Variants in RAD51B observed in about 807,000 individuals in gnomAD.
The protein encoded by RAD51B is DNA repair protein RAD51 homolog 2.
A neutral mutation model predicts 42.2 loss-of-function variants in RAD51B; 38 were observed. The ratio of observed to expected loss-of-function variants is 0.90; its 90% CI spans 0.70 to 1.18. The LOEUF (loss-of-function observed/expected upper bound fraction) is 1.18. Ranked by LOEUF, RAD51B falls within the 50% of genes most tolerant of loss-of-function variation. The pLI, the probability that RAD51B is intolerant of heterozygous loss-of-function variation, is 0.00. For synonymous variants in RAD51B, 154 were observed against 145.2 expected, an observed-to-expected ratio of 1.06 and a Z score of -0.43; for missense variants, 373 against 400.7, an observed-to-expected ratio of 0.93 and a Z score of 0.59.
intron 7 of RAD51B, among the ~76,000 whole-genome samples, chr14:67,905,161 A>G (rs1031585515): frequency 2.0e-5 from 3 of 152,062 alleles, no homozygotes; most frequent in East Asian, 1.9e-4. Flanking sequence ...CATTTATTTA[A>G]TAGAGAATTC....
At chr14:68,126,234 T>A (rs1011202573) in intron 7 of RAD51B, among the ~76,000 whole-genome samples, 1 of 152,224 alleles carries the variant, frequency 6.6e-6, no homozygotes, top group Admixed American at 6.5e-5. Context: ...TTCGTATTCA[T>A]AATAGCACTT....
chr14:68,573,756 G>T (rs893650655), intron 10 of RAD51B, among the ~76,000 whole-genome samples: 1 of 152,180 alleles, frequency 6.6e-6, no homozygotes, highest in Non-Finnish European at 1.5e-5. Flanking sequence ...GGTTCTGGGA[G>T]GCTCCAGACC....
intron 8 of RAD51B, among the ~76,000 whole-genome samples, chr14:68,348,592 A>C (rs896299552): frequency 2.0e-5 from 3 of 152,196 alleles, no homozygotes; most frequent in Admixed American, 6.5e-5. Flanking sequence ...AAAAGAAGCA[A>C]TTGAAGATTA....
At chr14:68,105,467 G>A (rs1036391025) in intron 7 of RAD51B, among the ~76,000 whole-genome samples, 1 of 151,912 alleles carries the variant, frequency 6.6e-6, no homozygotes, top group Non-Finnish European at 1.5e-5. Flanking sequence ...TAAGAAACTC[G>A]TTTCTTTTGG....
intron 4 of RAD51B, among the ~76,000 whole-genome samples, chr14:67,844,506 A>T (rs1343458774): frequency 6.6e-6 from 1 of 151,650 alleles, no homozygotes; most frequent in African/African-American, 2.4e-5. Flanking sequence ...AACTTGCTTT[A>T]TGAACCTGGG....
intron 10 of RAD51B, among the ~76,000 whole-genome samples, chr14:68,508,578 G>A (rs1885503662): frequency 6.6e-6 from 1 of 152,144 alleles, no homozygotes; most frequent in Non-Finnish European, 1.5e-5. Flanking sequence ...CCAGACCACT[G>A]AGATTGCAGC....
chr14:67,971,452 C>T lies in RAD51B; in HGVS notation c.756+84248C>T, dbSNP rs149183045. Among the ~76,000 whole-genome samples the T allele has an allele frequency of 2.0e-5, 3 of 152,148 alleles. No individual in the cohort carries two copies. The East Asian group carries it at 5.8e-4, about 29-fold the overall frequency. On this transcript the variant is annotated intron_variant, in intron 7 of 10. Coordinates refer to ENST00000471583, the MANE Select transcript of RAD51B (RefSeq NM_133510.4). ...CAAGAAGAGAAATTAGAGAGGATAC[C>T]ATTGACTTGCTTTGTATCTGTTGTT...
chr14:68,673,626 G>A (rs1179364747), intron 11 of RAD51B, among the ~76,000 whole-genome samples: 2 of 145,504 alleles, frequency 1.4e-5, no homozygotes, highest in Non-Finnish European at 3.0e-5. Flanking sequence ...TACACATACT[G>A]TGCACACACA....
At chr14:68,599,686 C>A (rs143441252), downstream of RAD51B, among the ~76,000 whole-genome samples, 191 of 152,314 alleles carry the variant, frequency 1.3e-3, no homozygotes, top group Middle Eastern at 0.014. Context: ...ATCAGGAAAT[C>A]GGTCTGGACC....
intron 10 of RAD51B, chr14:68,562,297 C>G (rs565936696): frequency 1.0e-6 from 1 of 985,416 alleles, no homozygotes; most frequent in Non-Finnish European, 1.2e-6. Context: ...CACTTTTGAA[C>G]GCCAAACCTC....
At chr14:68,197,067 AT>A (rs962870777) in intron 7 of RAD51B, among the ~76,000 whole-genome samples, 6 of 152,092 alleles carry the variant, frequency 3.9e-5, no homozygotes, top group Non-Finnish European at 7.4e-5. Flanking sequence ...AAATGCAATG[AT>A]TTTTTTTAAA....
intron 7 of RAD51B, among the ~76,000 whole-genome samples, chr14:67,969,381 C>T (rs577352414): frequency 2.6e-5 from 4 of 152,286 alleles, no homozygotes; most frequent in African/African-American, 2.4e-5. Flanking sequence ...CTTTCTTTCT[C>T]CTTAACCCAC....
intron 7 of RAD51B, among the ~76,000 whole-genome samples, chr14:68,210,941 T>C: frequency 6.6e-6 from 1 of 152,238 alleles, no homozygotes; most frequent in East Asian, 1.9e-4. Context: ...CTATTTAAAA[T>C]GTTCATTTCA....
chr14:68,594,646 CTCA>C, exon 11 of RAD51B: 2 of 1,278,550 alleles, frequency 1.6e-6, no homozygotes, highest in Non-Finnish European at 2.1e-6. Context: ...CCAAGCTGAT[CTCA>C]AACTCCTGGC....
chr14:68,278,934 A>ATT (rs34941378), intron 7 of RAD51B, among the ~76,000 whole-genome samples: 2 of 148,454 alleles, frequency 1.3e-5, no homozygotes, highest in Non-Finnish European at 3.0e-5. Context: ...TGAAATGCAG[A>ATT]TTTTTTTTTT....
chr14:68,665,361 T>C (rs1173849423), intron 11 of RAD51B, among the ~76,000 whole-genome samples: 1 of 152,258 alleles, frequency 6.6e-6, no homozygotes, highest in Non-Finnish European at 1.5e-5. Flanking sequence ...AAGACAAGGA[T>C]CGAGCTTCAT....
intron 10 of RAD51B, chr14:68,628,461 C>G (rs1362488992): frequency 1.3e-5 from 2 of 152,340 alleles, no homozygotes; most frequent in Non-Finnish European, 2.9e-5. Flanking sequence ...TCCCGGGCCG[C>G]CCTGCTGCAC....
At chr14:68,038,057 C>A (rs189189517) in intron 7 of RAD51B, among the ~76,000 whole-genome samples, 34 of 152,304 alleles carry the variant, frequency 2.2e-4, no homozygotes, top group African/African-American at 7.9e-4. Flanking sequence ...CAATGCAGAC[C>A]AGACCAGTGT....
At chr14:68,271,168 G>A (rs1263961071) in intron 7 of RAD51B, among the ~76,000 whole-genome samples, 1 of 152,108 alleles carries the variant, frequency 6.6e-6, no homozygotes, top group African/African-American at 2.4e-5. Context: ...CATTTATTAC[G>A]TTTATTGTCT....
Sources: allele counts gnomAD v4.1 joint callset (sites outside exome capture counted in the v4.1 genomes callset), GRCh38; gene constraint gnomAD v4.1.1; transcripts MANE v1.5; gene names NCBI Gene and HGNC (gene_info 2026-07-23, HGNC 2026-07-21).